Variants in KCNIP4 observed in about 807,000 individuals in gnomAD.
KCNIP4 encodes the protein Kv channel-interacting protein 4.
In KCNIP4, 12 loss-of-function variants were observed where a neutral mutation model predicts 34.0. The ratio of observed to expected loss-of-function variants is 0.35; its 90% CI spans 0.23 to 0.57. The LOEUF is 0.57. KCNIP4 is among the 20% of genes least tolerant of loss of function. The probability of loss-of-function intolerance (pLI) is 0.83; values close to 1 mark genes in which losing one functional copy is unlikely to be tolerated. For synonymous variants in KCNIP4, 124 were observed against 102.2 expected (o/e 1.21, Z -1.29); for missense variants, 238 against 311.7 (o/e 0.76, Z 1.78).
intron 1 of KCNIP4, among the ~76,000 whole-genome samples, chr4:21,425,733 C>T (rs1446020640): frequency 1.3e-5 from 2 of 152,064 alleles, no homozygotes; most frequent in Non-Finnish European, 2.9e-5. Flanking sequence ...CATTTGCCTT[C>T]ACTGTTGTAC....
chr4:21,693,317 T>A (rs1483391233), intron 1 of KCNIP4, among the ~76,000 whole-genome samples: 2 of 152,190 alleles, frequency 1.3e-5, no homozygotes, highest in Non-Finnish European at 2.9e-5. Flanking sequence ...TCCCAGCACT[T>A]TGGGAGGCTG....
At chr4:21,293,266 T>A (rs560808019) in intron 1 of KCNIP4, among the ~76,000 whole-genome samples, 128 of 152,328 alleles carry the variant, frequency 8.4e-4, no homozygotes, top group Non-Finnish European at 1.4e-3. Flanking sequence ...TTACATAAGA[T>A]GAAACTGAAG....
At chr4:21,711,622 A>G (rs2109077312) in intron 1 of KCNIP4, among the ~76,000 whole-genome samples, 1 of 152,390 alleles carries the variant, frequency 6.6e-6, no homozygotes, top group Non-Finnish European at 1.5e-5. Context: ...AATACAGATT[A>G]ACGAAAAACT....
intron 1 of KCNIP4, among the ~76,000 whole-genome samples, chr4:21,246,996 C>G (rs962393262): frequency 6.6e-6 from 1 of 152,040 alleles, no homozygotes; most frequent in African/African-American, 2.4e-5. Flanking sequence ...TTGCAAGGAT[C>G]TCAAGAGATA....
intron 3 of KCNIP4, among the ~76,000 whole-genome samples, chr4:20,844,679 T>C (rs540310078): frequency 6.6e-6 from 1 of 152,336 alleles, no homozygotes; most frequent in South Asian, 2.1e-4. Flanking sequence ...TCCTCTTTCC[T>C]TTCCCACCAT....
chr4:21,125,123 G>A (rs1313438342), intron 1 of KCNIP4, among the ~76,000 whole-genome samples: 1 of 148,666 alleles, frequency 6.7e-6, no homozygotes, highest in Non-Finnish European at 1.5e-5. Flanking sequence ...AGATGAATAA[G>A]CAGTGGTTCT....
intron 1 of KCNIP4, among the ~76,000 whole-genome samples, chr4:21,105,193 G>A (rs1327271037): frequency 6.6e-6 from 1 of 151,530 alleles, no homozygotes; most frequent in Non-Finnish European, 1.5e-5. Flanking sequence ...GGGCAGTATG[G>A]CCATTTTCAT....
intron 1 of KCNIP4, among the ~76,000 whole-genome samples, chr4:21,185,066 G>C (rs924865057): frequency 6.6e-6 from 1 of 152,078 alleles, no homozygotes; most frequent in Non-Finnish European, 1.5e-5. Flanking sequence ...AAATTCCTAC[G>C]TATAACTTCT....
chr4:21,306,529 A>C (rs1383047631), intron 1 of KCNIP4, among the ~76,000 whole-genome samples: 1 of 152,200 alleles, frequency 6.6e-6, no homozygotes, highest in Non-Finnish European at 1.5e-5. Flanking sequence ...TGCATGGGCT[A>C]CCGCAACTGG....
intron 1 of KCNIP4, among the ~76,000 whole-genome samples, chr4:21,468,208 T>C (rs1034766667): frequency 2.0e-5 from 3 of 151,018 alleles, no homozygotes; most frequent in African/African-American, 7.3e-5. Context: ...AGGAGAATGA[T>C]CACATAGTTA....
chr4:21,259,885 CTGTGTGTGTGTGTG>C (rs4054880), intron 1 of KCNIP4, among the ~76,000 whole-genome samples: 2 of 145,906 alleles, frequency 1.4e-5, no homozygotes, highest in Admixed American at 1.4e-4. Context: ...GCGCCCAAGA[CTGTGTGTGTGTGTG>C]TGTGTGTGTG....
intron 4 of KCNIP4, among the ~76,000 whole-genome samples, chr4:20,754,378 G>A (rs139672006): frequency 6.6e-6 from 1 of 152,094 alleles, no homozygotes; most frequent in Non-Finnish European, 1.5e-5. Context: ...ACCCATCAAT[G>A]TTACTGTTCA....
chr4:21,501,953 A>C (rs1733393329), intron 1 of KCNIP4, among the ~76,000 whole-genome samples: 1 of 151,134 alleles, frequency 6.6e-6, no homozygotes, highest in African/African-American at 2.4e-5. Context: ...ATACATAGAC[A>C]AATGAGGGAG....
At position 21,133,939 on chromosome 4, in the gene KCNIP4, C is replaced by G. The variant is rs551985493; in HGVS notation, c.62-251230G>C. Reference sequence around the variant, plus strand: ...CAAAGTTTCTCTGTGTCATCATTCACATCTTTCGACTTCCCTTCTGCCCTG... The same window carrying G: ...CAAAGTTTCTCTGTGTCATCATTCAGATCTTTCGACTTCCCTTCTGCCCTG... On this transcript the variant is annotated intron_variant, in intron 1 of 8. Coordinates refer to ENST00000382152, the MANE Select transcript of KCNIP4 (RefSeq NM_025221.6). Among the ~76,000 whole-genome samples, 7 of 152,320 alleles carry G rather than the reference C, an allele frequency of 4.6e-5. 1 individual carries two copies. Among genetic ancestry groups the G allele is most frequent in the African/African-American group, 1.4e-4 (6 of 41,580 alleles).
At chr4:21,760,780 G>T (rs1183344387) in intron 1 of KCNIP4, among the ~76,000 whole-genome samples, 13 of 152,084 alleles carry the variant, frequency 8.5e-5, no homozygotes, top group African/African-American at 2.9e-4. Flanking sequence ...ATTGCTTAAG[G>T]GTAGCCACAG....
At chr4:21,758,911 T>A (rs1361466170) in intron 1 of KCNIP4, among the ~76,000 whole-genome samples, 2 of 151,950 alleles carry the variant, frequency 1.3e-5, no homozygotes, top group Non-Finnish European at 2.9e-5. Context: ...TACTAATGTG[T>A]AAGATAAGGA....
chr4:21,933,147 T>A (rs1729665080), intron 1 of KCNIP4, among the ~76,000 whole-genome samples: 1 of 152,016 alleles, frequency 6.6e-6, no homozygotes, highest in Admixed American at 6.6e-5. Flanking sequence ...GATCTACAGT[T>A]TGCTGATTAT....
At chr4:20,914,118 T>C (rs1728586273) in intron 1 of KCNIP4, among the ~76,000 whole-genome samples, 2 of 151,628 alleles carry the variant, frequency 1.3e-5, no homozygotes, top group South Asian at 2.1e-4. Flanking sequence ...GATTGCACCA[T>C]TGCACTCCAG....
chr4:21,074,225 C>A (rs543560579), intron 1 of KCNIP4, among the ~76,000 whole-genome samples: 1 of 152,144 alleles, frequency 6.6e-6, no homozygotes, highest in African/African-American at 2.4e-5. Context: ...TCAGCTCCTC[C>A]TTGTACCTCT....
Sources: gnomAD v4.1 joint callset for allele counts (sites outside exome capture counted in the v4.1 genomes callset) on GRCh38, gnomAD v4.1.1 for gene constraint, MANE v1.5 for transcripts, NCBI Gene and HGNC (gene_info 2026-07-23, HGNC 2026-07-21) for gene names.